Variants in ZNF804A observed in about 807,000 individuals in gnomAD.
The protein encoded by ZNF804A is zinc finger protein 804A.
ZNF804A carries 2 observed loss-of-function variants against 16.5 expected under a neutral mutation model. That is an observed-to-expected ratio of 0.12 (90% CI 0.05 to 0.38). ZNF804A has a LOEUF of 0.38. ZNF804A is among the 10% of genes least tolerant of loss of function. ZNF804A has a pLI of 0.99. For missense variants in ZNF804A, 1,473 were observed against 1,390.7 expected, an observed-to-expected ratio of 1.06 and a Z score of -0.94; for synonymous variants, 534 against 489.6, an observed-to-expected ratio of 1.09 and a Z score of -1.20.
chr2:184,631,280 C>T (rs1028898422), intron 1 of ZNF804A, among the ~76,000 whole-genome samples: 9 of 152,030 alleles, frequency 5.9e-5, no homozygotes, highest in African/African-American at 1.9e-4. Flanking sequence ...ACTCTGCTGT[C>T]CCCCAGCAAA....
chr2:184,733,889 A>G lies in ZNF804A; in HGVS notation c.112-132480A>G, dbSNP rs116598117. On this transcript the variant is annotated intron_variant, in intron 1 of 3. Coordinates refer to ENST00000302277, the MANE Select transcript of ZNF804A (RefSeq NM_194250.2). ...TCTTCTTTAATTTCTAATTTTAGCAATTTGTGTGCACTTTTTTTTTTCTCA... is the reference window on the plus strand; with the variant it reads ...TCTTCTTTAATTTCTAATTTTAGCAGTTTGTGTGCACTTTTTTTTTTCTCA... Among the ~76,000 whole-genome samples the G allele has an allele frequency of 3.1e-3, 472 of 150,120 alleles. 1 individual carries two copies. The highest frequency in any genetic ancestry group is 0.011 in the African/African-American group (451 of 40,974).
intron 2 of ZNF804A, among the ~76,000 whole-genome samples, chr2:184,871,984 A>G (rs981822749): frequency 2.6e-5 from 4 of 152,130 alleles, no homozygotes; most frequent in African/African-American, 9.6e-5. Flanking sequence ...TCATTCAAGA[A>G]TTAAGAACTA....
At chr2:184,908,166 T>A (rs530516159) in intron 2 of ZNF804A, among the ~76,000 whole-genome samples, 1 of 152,268 alleles carries the variant, frequency 6.6e-6, no homozygotes, top group Non-Finnish European at 1.5e-5. Flanking sequence ...TCAGCAGGAT[T>A]ATGTTTTTTT....
chr2:184,715,695 C>G (rs1213153262), intron 1 of ZNF804A, among the ~76,000 whole-genome samples: 6 of 152,034 alleles, frequency 3.9e-5, no homozygotes, highest in Admixed American at 3.3e-4. Context: ...GCTACTGTAC[C>G]CAGCCACATC....
chr2:184,792,734 C>T (rs1385923467), intron 1 of ZNF804A, among the ~76,000 whole-genome samples: 3 of 151,968 alleles, frequency 2.0e-5, no homozygotes, highest in Admixed American at 2.0e-4. Context: ...ACAAGATCAT[C>T]TAGGTTTTCT....
chr2:184,830,916 G>T (rs909172621), intron 1 of ZNF804A, among the ~76,000 whole-genome samples: 6 of 152,024 alleles, frequency 3.9e-5, no homozygotes, highest in Non-Finnish European at 8.8e-5. Flanking sequence ...CAATAAAATA[G>T]AAATTTTCTT....
intron 1 of ZNF804A, among the ~76,000 whole-genome samples, chr2:184,697,830 G>A (rs1056024628): frequency 1.3e-5 from 2 of 151,914 alleles, no homozygotes; most frequent in Non-Finnish European, 2.9e-5. Flanking sequence ...CAAGATCATC[G>A]AATTCGGTGG....
chr2:184,825,148 G>T lies in ZNF804A; in HGVS notation c.112-41221G>T, dbSNP rs1366344915. On this transcript the variant is annotated intron_variant, in intron 1 of 3. Transcript: ENST00000302277. ...TCTTTCCAATAATGCAAGGAAACAG[G>T]TATCAGTCATTTTTTCACTTCTAGC... Among the ~76,000 whole-genome samples the T allele has an allele frequency of 2.6e-5, 4 of 152,124 alleles. No individual in the cohort carries two copies. The East Asian group carries it at 7.7e-4, about 29-fold the overall frequency.
chr2:184,844,168 A>G (rs1427665422), intron 1 of ZNF804A, among the ~76,000 whole-genome samples: 1 of 148,656 alleles, frequency 6.7e-6, no homozygotes, highest in Non-Finnish European at 1.5e-5. Context: ...GAGTATTCCT[A>G]ATTATACCCC....
chr2:184,894,465 G>T (rs1685035546), intron 2 of ZNF804A, among the ~76,000 whole-genome samples: 1 of 151,078 alleles, frequency 6.6e-6, no homozygotes, highest in Non-Finnish European at 1.5e-5. Flanking sequence ...ATTTTTATTG[G>T]CATACTTTTG....
At chr2:184,897,083 T>C (rs1685080661) in intron 2 of ZNF804A, among the ~76,000 whole-genome samples, 1 of 152,148 alleles carries the variant, frequency 6.6e-6, no homozygotes, top group Admixed American at 6.5e-5. Context: ...AGGATATTTG[T>C]AGTTATGTTT....
intron 1 of ZNF804A, among the ~76,000 whole-genome samples, chr2:184,701,806 T>A (rs536601713): frequency 6.6e-6 from 1 of 151,932 alleles, no homozygotes. Context: ...ACAATTAGAG[T>A]TAACTGAGTG....
At chr2:184,888,206 A>G (rs1003321108) in intron 2 of ZNF804A, among the ~76,000 whole-genome samples, 5 of 152,194 alleles carry the variant, frequency 3.3e-5, no homozygotes, top group African/African-American at 1.2e-4. Context: ...ATACTTAAAT[A>G]TGATTATTTA....
chr2:184,719,406 A>T (rs983081431), intron 1 of ZNF804A, among the ~76,000 whole-genome samples: 1 of 152,148 alleles, frequency 6.6e-6, no homozygotes, highest in Non-Finnish European at 1.5e-5. Context: ...CTCATTCATT[A>T]TGCAAATTTC....
At chr2:184,871,654 C>T (rs953691529) in intron 2 of ZNF804A, among the ~76,000 whole-genome samples, 1 of 151,782 alleles carries the variant, frequency 6.6e-6, no homozygotes, top group African/African-American at 2.4e-5. Flanking sequence ...ACAAGAGTAA[C>T]ATCAAAGAAC....
intron 1 of ZNF804A, among the ~76,000 whole-genome samples, chr2:184,734,713 G>A (rs1693581156): frequency 6.6e-6 from 1 of 152,184 alleles, no homozygotes; most frequent in South Asian, 2.1e-4. Context: ...GAGTTCAGCA[G>A]TGCCCTGACT....
Position 184,938,227 on chromosome 2 carries a change from A to G in ZNF804A, c.2831A>G (p.Asn944Ser). The G allele has an allele frequency of 6.2e-7, 1 of 1,614,084 alleles. No homozygotes were observed. Among genetic ancestry groups the G allele is most frequent in the South Asian group, 1.1e-5 (1 of 91,082 alleles). ...CACAAAGAAAGAAGTGAGAATATAA[A>G]TCTTAATGAAAAGCAAATTCCTTTT... ...LEHKERSENI[N>S]LNEKQIPFQV... The change falls in exon 4 of 4, where the codon AAT (asparagine) becomes AGT (serine). Residue 944 changes from asparagine (N) to serine (S), a missense_variant. Asn to Ser is a conservative substitution (Grantham distance 46). Transcript: ENST00000302277.
At chr2:184,695,465 T>TTAAAAAAAAA (rs1188268647) in intron 1 of ZNF804A, among the ~76,000 whole-genome samples, 3 of 51,854 alleles carry the variant, frequency 5.8e-5, no homozygotes, top group African/African-American at 2.8e-4. Context: ...ACTCCGTCAT[T>TTAAAAAAAAA]AAAAAAAAAA....
chr2:184,698,286 TAA>T (rs1692866519), intron 1 of ZNF804A, among the ~76,000 whole-genome samples: 1 of 152,104 alleles, frequency 6.6e-6, no homozygotes, highest in Admixed American at 6.6e-5. Context: ...TTAAAGTTTT[TAA>T]GTTACATTTT....
Sources: allele counts gnomAD v4.1 joint callset (sites outside exome capture counted in the v4.1 genomes callset), GRCh38; gene constraint gnomAD v4.1.1; transcripts MANE v1.5; gene names NCBI Gene and HGNC (gene_info 2026-07-23, HGNC 2026-07-21).